The following L3MBTL4 variants were observed in gnomAD, a reference collection of about 807,000 sequenced individuals.
L3MBTL4 encodes lethal(3)malignant brain tumor-like protein 4.
L3MBTL4 carries 70 observed loss-of-function variants against 84.5 expected under a neutral mutation model. The observed-to-expected ratio is 0.83, with a 90% confidence interval of 0.68 to 1.01. L3MBTL4 has a LOEUF of 1.01. L3MBTL4 is among the 50% of genes least tolerant of loss of function. L3MBTL4 has a pLI of 0.00. For missense variants in L3MBTL4, 715 were observed against 754.8 expected (o/e 0.95, Z 0.62); for synonymous variants, 274 against 259.8 (o/e 1.05, Z -0.52).
At chr18:6,279,019 G>C (rs1157512241) in intron 4 of L3MBTL4, among the ~76,000 whole-genome samples, 1 of 152,084 alleles carries the variant, frequency 6.6e-6, no homozygotes, top group Non-Finnish European at 1.5e-5. Flanking sequence ...AAAAAATTGG[G>C]GGCAGGGGCG....
chr18:6,048,742 T>C (rs1338377166), intron 16 of L3MBTL4, among the ~76,000 whole-genome samples: 5 of 147,680 alleles, frequency 3.4e-5, no homozygotes, highest in Non-Finnish European at 5.9e-5. Flanking sequence ...TGAGCCAAGA[T>C]CACACCACTG....
chr18:6,192,544 G>T (rs1340781019), intron 12 of L3MBTL4, among the ~76,000 whole-genome samples: 1 of 152,154 alleles, frequency 6.6e-6, no homozygotes, highest in Non-Finnish European at 1.5e-5. Context: ...TTCTAGGTGG[G>T]ATAGGAGGTA....
At chr18:6,071,801 GA>G (rs371238580) in intron 16 of L3MBTL4, among the ~76,000 whole-genome samples, 189 of 118,050 alleles carry the variant, frequency 1.6e-3, no homozygotes, top group African/African-American at 5.7e-3. Flanking sequence ...AAGAAAGAAA[GA>G]AAAAGAAAGA....
intron 14 of L3MBTL4, among the ~76,000 whole-genome samples, chr18:6,103,172 C>T (rs951898338): frequency 6.6e-6 from 1 of 152,110 alleles, no homozygotes; most frequent in African/African-American, 2.4e-5. Context: ...AAATTTTTTA[C>T]CAAAACTCTA....
At chr18:6,101,431 C>T (rs1201769558) in intron 14 of L3MBTL4, among the ~76,000 whole-genome samples, 1 of 152,152 alleles carries the variant, frequency 6.6e-6, no homozygotes, top group African/African-American at 2.4e-5. Flanking sequence ...CCTAATGATC[C>T]TTTTAATGTT....
chr18:6,128,042 G>GGGGA (rs1351749270), intron 14 of L3MBTL4, among the ~76,000 whole-genome samples: 1 of 119,790 alleles, frequency 8.3e-6, no homozygotes, highest in African/African-American at 3.4e-5. Context: ...GTGGGGCGGG[G>GGGGA]GAAGAGTCAA....
chr18:6,346,794 A>T (rs1455185577), intron 1 of L3MBTL4, among the ~76,000 whole-genome samples: 1 of 152,158 alleles, frequency 6.6e-6, no homozygotes, highest in Non-Finnish European at 1.5e-5. Flanking sequence ...TAAAAATATG[A>T]CTACCATATG....
At chr18:6,118,574 G>T (rs1026507197) in intron 14 of L3MBTL4, among the ~76,000 whole-genome samples, 1 of 152,134 alleles carries the variant, frequency 6.6e-6, no homozygotes, top group Non-Finnish European at 1.5e-5. Flanking sequence ...TCAGAGAAAA[G>T]AAAGGAACAT....
intron 16 of L3MBTL4, among the ~76,000 whole-genome samples, chr18:6,055,905 TTG>T (rs1246094518): frequency 1.3e-5 from 2 of 152,066 alleles, no homozygotes; most frequent in Non-Finnish European, 2.9e-5. Context: ...ATAAGGGACT[TTG>T]TGTTTATTTT....
chr18:6,292,036 T>C (rs1247746406), intron 4 of L3MBTL4, among the ~76,000 whole-genome samples: 1 of 152,216 alleles, frequency 6.6e-6, no homozygotes, highest in Non-Finnish European at 1.5e-5. Context: ...TTTCTAAGCA[T>C]GAAGACATAT....
At chr18:6,015,873 T>A (rs1427684029) in intron 16 of L3MBTL4, among the ~76,000 whole-genome samples, 3 of 152,150 alleles carry the variant, frequency 2.0e-5, no homozygotes, top group African/African-American at 7.2e-5. Context: ...GGCAGGAGAA[T>A]CGCTTGAATC....
intron 18 of L3MBTL4, among the ~76,000 whole-genome samples, chr18:5,957,703 C>T (rs1226399094): frequency 6.6e-6 from 1 of 151,956 alleles, no homozygotes; most frequent in Admixed American, 6.6e-5. Context: ...TGTCTGTAAT[C>T]CCAGCACTTT....
At chr18:6,000,085 T>G (rs1233580230) in intron 16 of L3MBTL4, among the ~76,000 whole-genome samples, 1 of 151,494 alleles carries the variant, frequency 6.6e-6, no homozygotes, top group East Asian at 1.9e-4. Context: ...AAGTAATGAG[T>G]GAGCTCAGAA....
chr18:6,354,729 G>A (rs995675682), intron 1 of L3MBTL4, among the ~76,000 whole-genome samples: 1 of 151,084 alleles, frequency 6.6e-6, no homozygotes, highest in African/African-American at 2.5e-5. Context: ...ACTAGAATGA[G>A]ATATCATCTC....
chr18:6,327,853 C>A (rs188412689), intron 1 of L3MBTL4, among the ~76,000 whole-genome samples: 24 of 152,266 alleles, frequency 1.6e-4, no homozygotes, highest in Admixed American at 1.4e-3. Context: ...GAATTTTATA[C>A]GTTCTCATAT....
chr18:6,404,809 C>G (rs1281200756), intron 1 of L3MBTL4, among the ~76,000 whole-genome samples: 1 of 152,086 alleles, frequency 6.6e-6, no homozygotes, highest in Non-Finnish European at 1.5e-5. Context: ...GCCTTAACCT[C>G]CACGTAGCTG....
intron 1 of L3MBTL4, among the ~76,000 whole-genome samples, chr18:6,352,813 G>A (rs1165505274): frequency 6.6e-6 from 1 of 152,156 alleles, no homozygotes; most frequent in African/African-American, 2.4e-5. Context: ...AGCCTCAAAA[G>A]TGGAAGAAAC....
intron 16 of L3MBTL4, among the ~76,000 whole-genome samples, chr18:5,985,827 A>T (rs2053439939): frequency 6.6e-6 from 1 of 152,158 alleles, no homozygotes; most frequent in Non-Finnish European, 1.5e-5. Context: ...CAGAGATCAC[A>T]CACAGTAGAA....
At chr18:5,963,838 AT>A (rs1015828534) in intron 17 of L3MBTL4, among the ~76,000 whole-genome samples, 3 of 151,940 alleles carry the variant, frequency 2.0e-5, no homozygotes, top group African/African-American at 4.8e-5. Flanking sequence ...AAAGAGAGAG[AT>A]TTTTTTTCTT....
Sources: gnomAD v4.1 joint callset for allele counts (sites outside exome capture counted in the v4.1 genomes callset) on GRCh38, gnomAD v4.1.1 for gene constraint, MANE v1.5 for transcripts, NCBI Gene and HGNC (gene_info 2026-07-23, HGNC 2026-07-21) for gene names.